Variants in XRCC5 observed in about 807,000 individuals in gnomAD.
The protein encoded by XRCC5 is DNA repair protein Ku80.
A neutral mutation model predicts 95.7 loss-of-function variants in XRCC5; 12 were observed. The observed-to-expected ratio is 0.13, with a 90% confidence interval of 0.08 to 0.20. XRCC5 has a LOEUF of 0.20. XRCC5 is among the 10% of genes least tolerant of loss of function. The probability of loss-of-function intolerance (pLI) is 1.00; values close to 1 mark genes in which losing one functional copy is unlikely to be tolerated. For missense variants in XRCC5, 595 were observed against 873.9 expected, an observed-to-expected ratio of 0.68 and a Z score of 4.02; for synonymous variants, 281 against 290.3, an observed-to-expected ratio of 0.97 and a Z score of 0.33.
intron 16 of XRCC5, among the ~76,000 whole-genome samples, chr2:216,168,124 G>T (rs1689089152): frequency 6.6e-6 from 1 of 152,142 alleles, no homozygotes; most frequent in African/African-American, 2.4e-5. Context: ...TTGCTGAAAG[G>T]GTGTGTTATC....
At chr2:216,177,099 T>C (rs1300999402) in intron 16 of XRCC5, among the ~76,000 whole-genome samples, 1 of 152,242 alleles carries the variant, frequency 6.6e-6, no homozygotes, top group African/African-American at 2.4e-5. Flanking sequence ...AGACTTGTTC[T>C]TATGTGGTCT....
intron 12 of XRCC5, among the ~76,000 whole-genome samples, chr2:216,139,001 T>A (rs939980062): frequency 6.6e-6 from 1 of 152,158 alleles, no homozygotes; most frequent in African/African-American, 2.4e-5. Context: ...CCCTAGGGCC[T>A]GTATCTTTAT....
intron 16 of XRCC5, among the ~76,000 whole-genome samples, chr2:216,165,310 G>A (rs1689035390): frequency 6.6e-6 from 1 of 152,148 alleles, no homozygotes; most frequent in Non-Finnish European, 1.5e-5. Flanking sequence ...TTGAGACCCA[G>A]CATGTTGCTA....
At chr2:216,130,236 CTT>C (rs5838568) in intron 8 of XRCC5, among the ~76,000 whole-genome samples, 291 of 125,664 alleles carry the variant, frequency 2.3e-3, no homozygotes, top group African/African-American at 8.0e-3. Context: ...CAGGGCTGGA[CTT>C]TTTTTTTTTT....
chr2:216,148,977 A>G (rs1483398164), intron 14 of XRCC5, among the ~76,000 whole-genome samples: 1 of 152,220 alleles, frequency 6.6e-6, no homozygotes, highest in Non-Finnish European at 1.5e-5. Context: ...GATTTTTACC[A>G]GGTTTAGGTC....
intron 8 of XRCC5, among the ~76,000 whole-genome samples, chr2:216,128,782 CTT>C (rs1186915207): frequency 1.3e-5 from 2 of 152,164 alleles, no homozygotes; most frequent in African/African-American, 2.4e-5. Context: ...TGCATTTTCT[CTT>C]TTAATCATCA....
At position 216,133,727 on chromosome 2, in the gene XRCC5, CT is replaced by C. The variant is rs368343597; in HGVS notation, c.1113+1341del. Among the ~76,000 whole-genome samples, 46 of 152,248 alleles carry C rather than the reference CT, an allele frequency of 3.0e-4. No homozygotes were observed. The South Asian group carries it at 8.9e-3, about 29-fold the overall frequency. ...AACTCAAGAAAAACAGATTTATCTC[CT>C]AATGGCAAAGGGATACTCTCTAGTG... is the stretch of plus-strand genomic sequence containing the variant. On this transcript the variant is annotated intron_variant, in intron 10 of 20. Transcript: ENST00000392132.
intron 14 of XRCC5, 104 bp from the exon 15 acceptor site, chr2:216,159,964 C>T (rs182123515): frequency 2.6e-5 from 15 of 586,602 alleles, no homozygotes; most frequent in South Asian, 8.7e-5. Context: ...TTTTCTTCTT[C>T]TTCTTTTTTC....
chr2:216,127,124 C>T (rs1696911770), intron 7 of XRCC5, among the ~76,000 whole-genome samples: 1 of 152,036 alleles, frequency 6.6e-6, no homozygotes, highest in Non-Finnish European at 1.5e-5. Flanking sequence ...TCTGTAGTCC[C>T]AGCTACTTGG....
chr2:216,195,613 C>T (rs1437344686), intron 19 of XRCC5, among the ~76,000 whole-genome samples: 1 of 151,904 alleles, frequency 6.6e-6, no homozygotes, highest in Non-Finnish European at 1.5e-5. Flanking sequence ...AGTAAAAGAC[C>T]CCATGCAGTC....
chr2:216,196,460 T>A (rs1406323651), intron 19 of XRCC5, among the ~76,000 whole-genome samples: 2 of 152,140 alleles, frequency 1.3e-5, no homozygotes, highest in Non-Finnish European at 2.9e-5. Flanking sequence ...GCTATTTCAG[T>A]CAAGGTTCTC....
At chr2:216,172,027 T>C (rs1371816696) in intron 16 of XRCC5, among the ~76,000 whole-genome samples, 2 of 152,218 alleles carry the variant, frequency 1.3e-5, no homozygotes, top group African/African-American at 4.8e-5. Context: ...AGTTTGGGTC[T>C]GGAGTGCACA....
chr2:216,120,243 A>T (rs371432512), intron 5 of XRCC5, among the ~76,000 whole-genome samples: 45 of 152,328 alleles, frequency 3.0e-4, no homozygotes, highest in African/African-American at 1.1e-3. Context: ...GAAGCCCAGC[A>T]CAGCTTCTGG....
intron 14 of XRCC5, among the ~76,000 whole-genome samples, chr2:216,152,575 A>G (rs1688763949): frequency 6.6e-6 from 1 of 151,912 alleles, no homozygotes; most frequent in South Asian, 2.1e-4. Flanking sequence ...TTCCTGTCTC[A>G]GTGAAATAGG....
At chr2:216,175,361 C>G (rs1689253230) in intron 16 of XRCC5, 4 of 478,640 alleles carry the variant, frequency 8.4e-6, no homozygotes, top group Middle Eastern at 5.5e-4. Flanking sequence ...TCCAGAGTTT[C>G]CTCCACAACC....
intron 6 of XRCC5, among the ~76,000 whole-genome samples, chr2:216,125,527 G>C (rs1166294553): frequency 2.0e-5 from 3 of 152,152 alleles, no homozygotes; most frequent in African/African-American, 7.2e-5. Flanking sequence ...CAGGTCCGTG[G>C]TTTTCAGGGA....
chr2:216,116,575 T>G lies in XRCC5; in HGVS notation c.136-84T>G, dbSNP rs1048615816. 3.3e-5 allele frequency: 50 copies of G among 1,530,050 alleles called. 1 individual carries two copies. Among genetic ancestry groups the G allele is most frequent in the Non-Finnish European group, 4.4e-5 (49 of 1,117,190 alleles). The allele number at this position is 1,530,050 out of a possible 1,614,324, so 94.8% of individuals were successfully genotyped here. The stretch of plus-strand genomic sequence containing the variant: ...AGGGACCTGCCATAGGGAGGTCTGG[T>G]TGTCCTGCTCCCTGAAGGTTAGGTA... On this transcript the variant is annotated intron_variant, in intron 2 of 20. Coordinates refer to ENST00000392132, the MANE Select transcript of XRCC5 (RefSeq NM_021141.4).
intron 13 of XRCC5, among the ~76,000 whole-genome samples, chr2:216,143,001 A>G (rs559580205): frequency 1.3e-5 from 2 of 152,284 alleles, no homozygotes; most frequent in South Asian, 2.1e-4. Context: ...TAACCTACCA[A>G]TCATCATAGC....
intron 19 of XRCC5, among the ~76,000 whole-genome samples, chr2:216,196,372 G>A (rs1689721201): frequency 6.6e-6 from 1 of 152,156 alleles, no homozygotes; most frequent in Admixed American, 6.5e-5. Flanking sequence ...ATAGGCTTGA[G>A]TATGCCATTT....
Sources: allele counts gnomAD v4.1 joint callset (sites outside exome capture counted in the v4.1 genomes callset), GRCh38; gene constraint gnomAD v4.1.1; transcripts MANE v1.5; gene names NCBI Gene and HGNC (gene_info 2026-07-23, HGNC 2026-07-21).